Variants in NKAIN2 observed in about 807,000 individuals in gnomAD.
NKAIN2 encodes the protein sodium/potassium-transporting ATPase subunit beta-1-interacting protein 2.
NKAIN2 carries 14 observed loss-of-function variants against 32.6 expected under a neutral mutation model. The observed-to-expected ratio is 0.43, with a 90% CI of 0.28 to 0.67. The LOEUF (loss-of-function observed/expected upper bound fraction) is 0.67, where lower values mean the gene tolerates loss of function less well. NKAIN2 is among the 30% of genes least tolerant of loss of function. The pLI, the probability that NKAIN2 is intolerant of heterozygous loss-of-function variation, is 0.17. For missense variants in NKAIN2, 198 were observed against 258.3 expected, an observed-to-expected ratio of 0.77 and a Z score of 1.60; for synonymous variants, 80 against 87.2, an observed-to-expected ratio of 0.92 and a Z score of 0.46.
chr6:124,370,403 G>A (rs1799704930), intron 3 of NKAIN2, among the ~76,000 whole-genome samples: 1 of 152,022 alleles, frequency 6.6e-6, no homozygotes, highest in South Asian at 2.1e-4. Flanking sequence ...AGGGTAAAAA[G>A]AGGAGGATGA....
intron 3 of NKAIN2, among the ~76,000 whole-genome samples, chr6:124,357,464 G>C (rs958158034): frequency 6.6e-6 from 1 of 151,970 alleles, no homozygotes. Flanking sequence ...CTCAAAAATG[G>C]TACATATGAA....
chr6:124,421,467 T>G (rs1774746519), intron 3 of NKAIN2, among the ~76,000 whole-genome samples: 1 of 152,194 alleles, frequency 6.6e-6, no homozygotes, highest in African/African-American at 2.4e-5. Context: ...ACAGCAGAAA[T>G]GTTCAACTAA....
chr6:124,426,429 T>C (rs748690238), intron 3 of NKAIN2, among the ~76,000 whole-genome samples: 6 of 152,250 alleles, frequency 3.9e-5, no homozygotes, highest in Admixed American at 2.0e-4. Context: ...TTTCCAATCA[T>C]GTATCTGGTA....
At chr6:123,980,875 CTT>C (rs572742166) in intron 1 of NKAIN2, among the ~76,000 whole-genome samples, 10 of 142,952 alleles carry the variant, frequency 7.0e-5, no homozygotes, top group Non-Finnish European at 7.7e-5. Flanking sequence ...TTCACTTATC[CTT>C]TTTTTTTTTT....
intron 1 of NKAIN2, among the ~76,000 whole-genome samples, chr6:124,105,464 A>C (rs1298403696): frequency 4.6e-5 from 7 of 152,108 alleles, no homozygotes; most frequent in Non-Finnish European, 1.0e-4. Context: ...GTTCTCTGGC[A>C]TTGTGTCTGG....
At chr6:123,947,787 T>C (rs1777140012) in intron 1 of NKAIN2, among the ~76,000 whole-genome samples, 1 of 152,148 alleles carries the variant, frequency 6.6e-6, no homozygotes, top group African/African-American at 2.4e-5. Context: ...ACAGCTTTTT[T>C]GAAATATACA....
chr6:124,178,596 C>T (rs769414505), intron 1 of NKAIN2, among the ~76,000 whole-genome samples: 9 of 152,040 alleles, frequency 5.9e-5, no homozygotes, highest in Non-Finnish European at 1.0e-4. Context: ...CACACCTGGC[C>T]GACATACATT....
intron 3 of NKAIN2, among the ~76,000 whole-genome samples, chr6:124,459,101 T>G (rs1669763585): frequency 6.6e-6 from 1 of 151,952 alleles, no homozygotes; most frequent in Admixed American, 6.6e-5. Context: ...ATTCCCTTAC[T>G]AAAATATTTT....
intron 3 of NKAIN2, among the ~76,000 whole-genome samples, chr6:124,365,896 A>G (rs1436968035): frequency 6.6e-6 from 1 of 152,032 alleles, no homozygotes; most frequent in Non-Finnish European, 1.5e-5. Context: ...TGGACCTAAT[A>G]GGTTGGAATG....
chr6:124,184,709 G>A lies in NKAIN2; in HGVS notation c.55-98296G>A, dbSNP rs572178708. 2.6e-5 allele frequency among the ~76,000 whole-genome samples: 4 copies of A among 152,278 alleles called. No homozygotes were observed. The East Asian group carries it at 7.7e-4, about 29-fold the overall frequency. ...CTGTGTTTTAACTTTCAAGACTAAA[G>A]AGATGTTCTCCTAATTTTGAAAAAC... On this transcript the variant is annotated intron_variant, in intron 1 of 6. Coordinates refer to ENST00000368417, the MANE Select transcript of NKAIN2 (RefSeq NM_001040214.3).
chr6:124,484,780 T>C (rs1457518377), intron 3 of NKAIN2, among the ~76,000 whole-genome samples: 1 of 152,126 alleles, frequency 6.6e-6, no homozygotes, highest in East Asian at 1.9e-4. Flanking sequence ...CATGTATGAA[T>C]AAATGTATGT....
At chr6:123,892,120 G>A (rs557343509) in intron 1 of NKAIN2, among the ~76,000 whole-genome samples, 1 of 152,192 alleles carries the variant, frequency 6.6e-6, no homozygotes, top group South Asian at 2.1e-4. Flanking sequence ...CCCCAGGTGT[G>A]CCTAAAAGTA....
chr6:124,560,382 C>T (rs2785706), intron 3 of NKAIN2, among the ~76,000 whole-genome samples: 85,194 of 151,998 alleles, frequency 0.56, 24,298 homozygotes, highest in East Asian at 0.65. Flanking sequence ...CCCAGCCATG[C>T]TGAACTGTGA....
intron 5 of NKAIN2, among the ~76,000 whole-genome samples, chr6:124,794,627 T>C (rs1779918898): frequency 6.6e-6 from 1 of 152,196 alleles, no homozygotes; most frequent in African/African-American, 2.4e-5. Context: ...TATACACAAG[T>C]AGACTGACGC....
intron 3 of NKAIN2, among the ~76,000 whole-genome samples, chr6:124,496,067 C>T (rs1778052398): frequency 6.6e-6 from 1 of 152,050 alleles, no homozygotes; most frequent in Admixed American, 6.6e-5. Context: ...TTCCTTTTTT[C>T]CAATGTTCTC....
intron 3 of NKAIN2, among the ~76,000 whole-genome samples, chr6:124,542,969 A>G (rs923752529): frequency 2.6e-5 from 4 of 152,174 alleles, no homozygotes; most frequent in Non-Finnish European, 5.9e-5. Flanking sequence ...TCTAAATACA[A>G]TACTACTAGA....
At chr6:124,774,983 A>G (rs1027649602) in intron 4 of NKAIN2, among the ~76,000 whole-genome samples, 2 of 152,198 alleles carry the variant, frequency 1.3e-5, no homozygotes, top group Admixed American at 6.5e-5. Context: ...TAAAAAAATA[A>G]ACCTCCAATT....
At chr6:124,501,800 C>T (rs1233171212) in intron 3 of NKAIN2, among the ~76,000 whole-genome samples, 2 of 152,154 alleles carry the variant, frequency 1.3e-5, no homozygotes, top group African/African-American at 4.8e-5. Context: ...TTTCCCACCT[C>T]TGGGACAGCT....
chr6:124,769,357 TA>T (rs1324277952), intron 4 of NKAIN2, among the ~76,000 whole-genome samples: 2 of 152,112 alleles, frequency 1.3e-5, no homozygotes, highest in Non-Finnish European at 2.9e-5. Flanking sequence ...TGTTTAGTAC[TA>T]AAAAAATTCT....
Sources: gnomAD v4.1 joint callset for allele counts (sites outside exome capture counted in the v4.1 genomes callset) on GRCh38, gnomAD v4.1.1 for gene constraint, MANE v1.5 for transcripts, NCBI Gene and HGNC (gene_info 2026-07-23, HGNC 2026-07-21) for gene names.